RBX1: variants seen among roughly 807,000 people sequenced by gnomAD.
RBX1 encodes E3 ubiquitin-protein ligase RBX1.
For synonymous variants in RBX1, 48 were observed against 47.9 expected, an observed-to-expected ratio of 1.00 and a Z score of -0.01; for missense variants, 46 against 141.4, an observed-to-expected ratio of 0.33 and a Z score of 3.42.
intron 3 of RBX1, among the ~76,000 whole-genome samples, chr22:40,965,490 G>A (rs1460812098): frequency 6.6e-6 from 1 of 151,316 alleles, no homozygotes; most frequent in Admixed American, 6.6e-5. Context: ...GCCCAGGCTG[G>A]AGCGCAGTGA....
rs1362142015 is a variant in RBX1, at chr22:40,953,679, G to A, written c.157+46G>A. ...GGGAGGAAGTTGAGAAGGTTGCAGA[G>A]ATTGTGGCTATCTTGATGTGACTGA... On this transcript the variant is annotated intron_variant, in intron 2 of 4. Coordinates refer to ENST00000216225, the MANE Select transcript of RBX1 (RefSeq NM_014248.4). 10 of 1,340,328 alleles carry A rather than the reference G, an allele frequency of 7.5e-6. No homozygotes were observed. The South Asian group carries it at 1.1e-4, about 14-fold the overall frequency. 83.0% of individuals were successfully genotyped at this position (1,340,328 alleles called of 1,614,324 possible).
chr22:40,966,139 T>G (rs1251644718), intron 3 of RBX1: 4 of 152,240 alleles, frequency 2.6e-5, no homozygotes, highest in African/African-American at 9.6e-5. Flanking sequence ...ATATCTGTCA[T>G]GCTTGCCTGC....
chr22:40,971,562 T>C (rs1296254411), intron 4 of RBX1, among the ~76,000 whole-genome samples: 1 of 152,098 alleles, frequency 6.6e-6, no homozygotes, highest in Non-Finnish European at 1.5e-5. Flanking sequence ...TTTATTTATA[T>C]ATATATTTTT....
chr22:40,964,250 A>G, intron 3 of RBX1, 133 bp downstream of exon 3: 1 of 631,172 alleles, frequency 1.6e-6, no homozygotes, highest in Non-Finnish European at 2.8e-6. Flanking sequence ...CAAATAGTAA[A>G]AAAGATTTTA....
At chr22:40,968,687 A>G (rs1569045835) in intron 4 of RBX1, among the ~76,000 whole-genome samples, 1 of 152,260 alleles carries the variant, frequency 6.6e-6, no homozygotes, top group East Asian at 1.9e-4. Context: ...TGAATTTCCC[A>G]CTGTAGGCCC....
At chr22:40,953,492 T>C in intron 1 of RBX1, 63 bp from the exon 2 acceptor site, 1 of 1,087,694 alleles carries the variant, frequency 9.2e-7, no homozygotes, top group Non-Finnish European at 1.4e-6. Context: ...CAGCCTGAGG[T>C]CCTAAAGAGT....
Position 40,973,277 on chromosome 22 carries a change from C to T in RBX1, c.*789C>T, listed in dbSNP as rs942125095. ...AGTAGATGGACCGCGCAACCTAGAT[C>T]CCTCACATGCACGGTTCGCCAATAG... On this transcript the variant is annotated 3_prime_UTR_variant, in exon 5 of 5. Transcript: ENST00000216225. 2 of 152,140 alleles carry T rather than the reference C, an allele frequency of 1.3e-5. No homozygotes were observed. Among genetic ancestry groups the T allele is most frequent in the Non-Finnish European group, 2.9e-5 (2 of 68,084 alleles). 9.4% of individuals were successfully genotyped at this position (152,140 alleles called of 1,614,324 possible). A position where few individuals can be genotyped will look rare whatever the true frequency, so the allele number is the denominator to read the frequency against.
At chr22:40,958,168 C>T (rs2058330664) in intron 2 of RBX1, among the ~76,000 whole-genome samples, 1 of 151,676 alleles carries the variant, frequency 6.6e-6, no homozygotes, top group Admixed American at 6.6e-5. Flanking sequence ...CTGTGTTGTC[C>T]AGGCTTGTCT....
chr22:40,959,356 G>A (rs980318748), intron 2 of RBX1, among the ~76,000 whole-genome samples: 6 of 152,194 alleles, frequency 3.9e-5, no homozygotes, highest in African/African-American at 1.4e-4. Context: ...CTCAACCCCT[G>A]TACTTACTCT....
chr22:40,959,225 C>G (rs1211148768), intron 2 of RBX1, among the ~76,000 whole-genome samples: 3 of 152,152 alleles, frequency 2.0e-5, no homozygotes, highest in African/African-American at 7.2e-5. Context: ...GGTCCCCAAG[C>G]TTTATAAATC....
chr22:40,967,750 G>T (rs1312967623), intron 3 of RBX1, 49 bp from the exon 4 acceptor site: 1 of 1,509,370 alleles, frequency 6.6e-7, no homozygotes, highest in East Asian at 2.3e-5. Context: ...TCGCTCGATG[G>T]CTGAGCCTGC....
At chr22:40,967,400 A>C (rs1314729954) in intron 3 of RBX1, 3 of 160,052 alleles carry the variant, frequency 1.9e-5, no homozygotes, top group Non-Finnish European at 2.8e-5. Context: ...GGAGGGTGGG[A>C]GGGAAGCTAG....
At chr22:40,968,298 C>G (rs1299973733) in intron 4 of RBX1, among the ~76,000 whole-genome samples, 1 of 151,920 alleles carries the variant, frequency 6.6e-6, no homozygotes, top group Non-Finnish European at 1.5e-5. Flanking sequence ...ACCATGTTGG[C>G]CAGGCTGGTC....
In RBX1 at chr22:40,971,518, T is replaced by C. The variant is rs114875989; in HGVS notation, c.315-958T>C. Among the ~76,000 whole-genome samples, 823 of 152,216 alleles carry C rather than the reference T, an allele frequency of 5.4e-3. 5 individuals carry two copies. The highest frequency in any genetic ancestry group is 0.019 in the African/African-American group (792 of 41,546). On this transcript the variant is annotated intron_variant, in intron 4 of 4. Transcript: ENST00000216225. Reference sequence around the variant, plus strand: ...GGATCTTGTGTTCAAGAAATCTGTTTATATGTGGAAGAAATTCCTTGGCTT... The same window carrying C: ...GGATCTTGTGTTCAAGAAATCTGTTCATATGTGGAAGAAATTCCTTGGCTT...
intron 3 of RBX1, chr22:40,966,325 C>A (rs996018731): frequency 2.0e-5 from 3 of 152,190 alleles, no homozygotes; most frequent in African/African-American, 7.2e-5. Flanking sequence ...TTTACAGCCC[C>A]CTTTTCCCCA....
rs560216002 is a variant in RBX1, at chr22:40,966,167, C to G, written c.229-1632C>G. 3 of 152,264 alleles carry G rather than the reference C, an allele frequency of 2.0e-5. No homozygotes were observed. The East Asian group carries it at 5.8e-4, about 29-fold the overall frequency. The allele number at this position is 152,264 out of a possible 1,614,324, so 9.4% of individuals were successfully genotyped here. On this transcript the variant is annotated intron_variant, in intron 3 of 4. Coordinates refer to ENST00000216225, the MANE Select transcript of RBX1 (RefSeq NM_014248.4). The stretch of plus-strand genomic sequence containing the variant: ...TTGCCTGCCAGGGTTGATGTGAGGC[C>G]TCAAATGAGGTAATACATGTCAACA...
At chr22:40,972,407 A>G in intron 4 of RBX1, 69 bp from the exon 5 acceptor site, 1 of 1,273,252 alleles carries the variant, frequency 7.9e-7, no homozygotes, top group Non-Finnish European at 1.1e-6. Flanking sequence ...TTATGTGTTT[A>G]AGCAGGTTTT....
intron 3 of RBX1, 103 bp from the exon 4 acceptor site, chr22:40,967,696 G>T: frequency 3.9e-6 from 3 of 764,942 alleles, no homozygotes; most frequent in East Asian, 5.6e-5. Context: ...TTCTTTTCTT[G>T]CCCACTATAT....
chr22:40,968,075 G>A (rs1420200902), intron 4 of RBX1, among the ~76,000 whole-genome samples, 191 bp downstream of exon 4: 1 of 147,560 alleles, frequency 6.8e-6, no homozygotes, highest in Non-Finnish European at 1.5e-5. Context: ...GCAGCCTAGG[G>A]TTTCCCAACC....
Sources: allele counts gnomAD v4.1 joint callset (sites outside exome capture counted in the v4.1 genomes callset), GRCh38; gene constraint gnomAD v4.1.1; transcripts MANE v1.5; gene names NCBI Gene and HGNC (gene_info 2026-07-23, HGNC 2026-07-21).